THADA: variants seen among roughly 807,000 people sequenced by gnomAD.
THADA encodes tRNA (32-2'-O)-methyltransferase regulator THADA.
Under a neutral mutation model 219.8 loss-of-function variants are expected in THADA, and 213 were observed. That is an observed-to-expected ratio of 0.97 (90% CI 0.87 to 1.09). The LOEUF is 1.09. THADA is among the 50% of genes least tolerant of loss of function. THADA has a pLI of 0.00. For missense variants in THADA, 2,956 were observed against 2,311.3 expected, an observed-to-expected ratio of 1.28 and a Z score of -5.72; for synonymous variants, 1,018 against 828.9, an observed-to-expected ratio of 1.23 and a Z score of -3.92.
chr2:43,376,989 C>T (rs1671453096), intron 29 of THADA, among the ~76,000 whole-genome samples: 1 of 152,284 alleles, frequency 6.6e-6, no homozygotes, highest in Non-Finnish European at 1.5e-5. Flanking sequence ...TCTGTTTTCC[C>T]ATTCATGGAG....
chr2:43,304,803 C>G (rs1251910404), intron 31 of THADA, among the ~76,000 whole-genome samples: 2 of 151,952 alleles, frequency 1.3e-5, no homozygotes, highest in African/African-American at 2.4e-5. Context: ...TCCCGAGTAG[C>G]TGGGATTACA....
chr2:43,485,350 A>G (rs1302411608), intron 25 of THADA, 25 bp from the exon 26 acceptor site: 1 of 1,540,476 alleles, frequency 6.5e-7, no homozygotes, highest in Non-Finnish European at 9.0e-7. Context: ...AAAACACAAT[A>G]AGGCTTAAAT....
chr2:43,361,845 A>G (rs1012456269), intron 29 of THADA, among the ~76,000 whole-genome samples: 5 of 152,240 alleles, frequency 3.3e-5, no homozygotes, highest in East Asian at 1.9e-4. Flanking sequence ...ACATCTAAGA[A>G]TAAGTTGTAC....
chr2:43,350,503 C>G (rs1459583684), intron 29 of THADA, among the ~76,000 whole-genome samples: 1 of 152,272 alleles, frequency 6.6e-6, no homozygotes, highest in African/African-American at 2.4e-5. Context: ...TGAACCCCAA[C>G]TAGGCCGTAG....
At chr2:43,357,014 T>A (rs1668939589) in intron 29 of THADA, among the ~76,000 whole-genome samples, 1 of 152,198 alleles carries the variant, frequency 6.6e-6, no homozygotes, top group African/African-American at 2.4e-5. Flanking sequence ...AACTATAAAT[T>A]ACTTTGTGCT....
chr2:43,272,621 T>G (rs1020399641), intron 36 of THADA, among the ~76,000 whole-genome samples: 1 of 143,842 alleles, frequency 7.0e-6, no homozygotes, highest in Non-Finnish European at 1.5e-5. Context: ...TTTGGTTTTG[T>G]GCTTTTTTTT....
chr2:43,326,139 A>G (rs916659497), intron 30 of THADA, among the ~76,000 whole-genome samples: 1 of 150,870 alleles, frequency 6.6e-6, no homozygotes, highest in Admixed American at 6.6e-5. Flanking sequence ...CATATGTAAA[A>G]GCTGTTTCTT....
At chr2:43,594,300 C>A (rs1390152547) in intron 1 of THADA, among the ~76,000 whole-genome samples, 1 of 152,148 alleles carries the variant, frequency 6.6e-6, no homozygotes, top group Admixed American at 6.6e-5. Flanking sequence ...AAACTTGAGG[C>A]CAGGAGTGGG....
At chr2:43,260,425 T>G (rs1292489524) in intron 36 of THADA, among the ~76,000 whole-genome samples, 1 of 152,208 alleles carries the variant, frequency 6.6e-6, no homozygotes, top group African/African-American at 2.4e-5. Context: ...CATTTACCTA[T>G]TTTTAAAGAC....
At chr2:43,513,534 C>G (rs1249137821) in intron 22 of THADA, among the ~76,000 whole-genome samples, 1 of 152,152 alleles carries the variant, frequency 6.6e-6, no homozygotes, top group African/African-American at 2.4e-5. Flanking sequence ...GAGGCTGTAG[C>G]AGTAGGAAAA....
chr2:43,483,587 G>T (rs1039612292), intron 26 of THADA, among the ~76,000 whole-genome samples: 1 of 151,800 alleles, frequency 6.6e-6, no homozygotes, highest in East Asian at 1.9e-4. Flanking sequence ...TATATATTTT[G>T]TAATCTTTCC....
At chr2:43,314,459 C>T (rs6730757) in intron 31 of THADA, among the ~76,000 whole-genome samples, 88,715 of 151,970 alleles carry the variant, frequency 0.58, 26,744 homozygotes, top group Middle Eastern at 0.73. Context: ...AATTCAGTAG[C>T]TGTGACAGAC....
At chr2:43,520,713 TACAC>T (rs145550774) in intron 22 of THADA, among the ~76,000 whole-genome samples, 22,236 of 124,900 alleles carry the variant, frequency 0.18, 1,920 homozygotes, top group Middle Eastern at 0.25. Flanking sequence ...TATATATATA[TACAC>T]ACACACACAC....
chr2:43,284,110 T>C (rs1235715173), intron 35 of THADA, among the ~76,000 whole-genome samples: 2 of 151,920 alleles, frequency 1.3e-5, no homozygotes, highest in Non-Finnish European at 2.9e-5. Context: ...ACCCAGGAAG[T>C]AGAGGTTGCA....
intron 19 of THADA, among the ~76,000 whole-genome samples, chr2:43,550,038 C>G (rs1327336683): frequency 6.6e-6 from 1 of 152,020 alleles, no homozygotes; most frequent in African/African-American, 2.4e-5. Context: ...ATTTTTATTC[C>G]CTAAGCACTC....
intron 2 of THADA, 105 bp from the exon 3 acceptor site, chr2:43,592,151 G>A: frequency 9.9e-7 from 1 of 1,010,532 alleles, no homozygotes; most frequent in Non-Finnish European, 1.4e-6. Flanking sequence ...CATAGCAATA[G>A]GTGGAACATA....
intron 36 of THADA, among the ~76,000 whole-genome samples, chr2:43,252,728 A>G (rs989732031): frequency 2.0e-5 from 3 of 152,134 alleles, no homozygotes; most frequent in Non-Finnish European, 4.4e-5. Context: ...GCTCTTGTCA[A>G]TCTGATCTGC....
chr2:43,261,636 ATTTT>A (rs35414545), intron 36 of THADA, among the ~76,000 whole-genome samples: 1 of 116,176 alleles, frequency 8.6e-6, no homozygotes, highest in Admixed American at 8.8e-5. Context: ...TATTGTTTTG[ATTTT>A]TTTTTTTTTT....
intron 20 of THADA, among the ~76,000 whole-genome samples, chr2:43,545,359 G>A (rs1253557015): frequency 6.6e-6 from 1 of 151,870 alleles, no homozygotes; most frequent in Non-Finnish European, 1.5e-5. Flanking sequence ...TCTCTGCCTG[G>A]CTTTGGTATC....
Sources: gnomAD v4.1 joint callset for allele counts (sites outside exome capture counted in the v4.1 genomes callset) on GRCh38, gnomAD v4.1.1 for gene constraint, MANE v1.5 for transcripts, NCBI Gene and HGNC (gene_info 2026-07-23, HGNC 2026-07-21) for gene names.